The following SPMIP3 variants were observed in gnomAD, a reference collection of about 807,000 sequenced individuals.
The protein encoded by SPMIP3 is sperm microtubule inner protein 3.
the SPMIP3 span, among the ~76,000 whole-genome samples, chr1:244,363,907 C>T: frequency 4.6e-5 from 7 of 152,124 alleles, no homozygotes; most frequent in East Asian, 1.2e-3. Context: ...GATGCAAGGG[C>T]GCTCACTCCT....
At chr1:244,380,125 T>G in the SPMIP3 span, among the ~76,000 whole-genome samples, 802 of 62,622 alleles carry the variant, frequency 0.013, 8 homozygotes, top group East Asian at 0.027. Flanking sequence ...GAGTTTTTCT[T>G]TTTTTTTTTT....
At chr1:244,372,069 T>G in the SPMIP3 span, among the ~76,000 whole-genome samples, 1 of 152,212 alleles carries the variant, frequency 6.6e-6, no homozygotes, top group Non-Finnish European at 1.5e-5. Flanking sequence ...AGGCCCACTC[T>G]AGCCCTCATA....
At chr1:244,363,587 A>T in the SPMIP3 span, among the ~76,000 whole-genome samples, 1 of 152,192 alleles carries the variant, frequency 6.6e-6, no homozygotes, top group South Asian at 2.1e-4. Flanking sequence ...CATCTAGAAC[A>T]TCTCCACAAA....
chr1:244,372,652 C>G, the SPMIP3 span, among the ~76,000 whole-genome samples: 1 of 152,090 alleles, frequency 6.6e-6, no homozygotes, highest in African/African-American at 2.4e-5. Context: ...ACCGCGTTAG[C>G]CAGGATGGTC....
chr1:244,372,694 T>C, the SPMIP3 span, among the ~76,000 whole-genome samples: 25,507 of 152,156 alleles, frequency 0.17, 4,106 homozygotes, highest in African/African-American at 0.42. Context: ...CCGCCCGCCT[T>C]GGCCTCCCAA....
At chr1:244,387,414 T>C in the SPMIP3 span, among the ~76,000 whole-genome samples, 5 of 152,316 alleles carry the variant, frequency 3.3e-5, no homozygotes, top group East Asian at 5.8e-4. Flanking sequence ...ATAAGCAAAA[T>C]TGTTAATGAT....
At chr1:244,371,691 C>T in the SPMIP3 span, among the ~76,000 whole-genome samples, 13 of 152,204 alleles carry the variant, frequency 8.5e-5, no homozygotes, top group Admixed American at 1.3e-4. Flanking sequence ...CCCAGCCCAC[C>T]GCCCACAGCC....
the SPMIP3 span, among the ~76,000 whole-genome samples, chr1:244,380,269 G>A: frequency 8.6e-5 from 13 of 151,556 alleles, no homozygotes; most frequent in African/African-American, 1.5e-4. Context: ...ACAGGTATGC[G>A]CCACCATGCC....
chr1:244,381,280 C>A, the SPMIP3 span, among the ~76,000 whole-genome samples: 1 of 152,152 alleles, frequency 6.6e-6, no homozygotes, highest in South Asian at 2.1e-4. Context: ...CCTTTCAAGA[C>A]CAACTGGGAG....
the SPMIP3 span, chr1:244,375,299 G>A: frequency 1.9e-5 from 23 of 1,220,306 alleles, no homozygotes; most frequent in South Asian, 1.0e-4. Flanking sequence ...GTATTATGCC[G>A]CAGCTGGCAT....
At chr1:244,352,866 C>T in the SPMIP3 span, 22 of 152,196 alleles carry the variant, frequency 1.4e-4, no homozygotes, top group African/African-American at 4.8e-4. Context: ...TCATGGCAAG[C>T]CTTTTGGTAA....
chr1:244,361,079 T>C, the SPMIP3 span, among the ~76,000 whole-genome samples: 1 of 151,840 alleles, frequency 6.6e-6, no homozygotes, highest in Non-Finnish European at 1.5e-5. Flanking sequence ...AGAATGATGG[T>C]TAGCAGAGGC....
the SPMIP3 span, among the ~76,000 whole-genome samples, chr1:244,379,183 C>T: frequency 1.3e-4 from 20 of 151,772 alleles, no homozygotes; most frequent in African/African-American, 4.8e-4. Flanking sequence ...CCGCCTAAGC[C>T]TCCCAAAGTG....
chr1:244,364,845 T>G, the SPMIP3 span: 1 of 1,351,854 alleles, frequency 7.4e-7, no homozygotes, highest in Non-Finnish European at 1.1e-6. Context: ...TGCTGCTCAG[T>G]GGTCCAGAGA....
chr1:244,359,839 G>A, the SPMIP3 span, among the ~76,000 whole-genome samples: 6 of 152,140 alleles, frequency 3.9e-5, no homozygotes, highest in Non-Finnish European at 5.9e-5. Context: ...GGCCCGGGGC[G>A]GTGGCTCACG....
At chr1:244,375,630 T>C in the SPMIP3 span, 1 of 297,920 alleles carries the variant, frequency 3.4e-6, no homozygotes, top group Non-Finnish European at 6.0e-6. Flanking sequence ...ACTGTTAATG[T>C]TTTTTTTTTT....
At chr1:244,355,656 G>A in the SPMIP3 span, among the ~76,000 whole-genome samples, 3 of 152,288 alleles carry the variant, frequency 2.0e-5, no homozygotes, top group South Asian at 6.2e-4. Context: ...AAAGTGCTGG[G>A]ATTACAGGCA....
the SPMIP3 span, among the ~76,000 whole-genome samples, chr1:244,354,354 A>ATTTTT: frequency 2.8e-5 from 3 of 107,222 alleles, no homozygotes; most frequent in African/African-American, 3.5e-5. Flanking sequence ...CCAAACTTTG[A>ATTTTT]TTTTTTTTTT....
the SPMIP3 span, among the ~76,000 whole-genome samples, chr1:244,374,066 TTGGG>T: frequency 6.4e-4 from 98 of 152,192 alleles, no homozygotes; most frequent in Middle Eastern, 0.027. Context: ...TGAGCTGAGA[TTGGG>T]CCACTGCACT....
Sources: gnomAD v4.1 joint callset for allele counts (sites outside exome capture counted in the v4.1 genomes callset) on GRCh38, gnomAD v4.1.1 for gene constraint, MANE v1.5 for transcripts, NCBI Gene and HGNC (gene_info 2026-07-23, HGNC 2026-07-21) for gene names.